Variants in MCM9 observed in about 807,000 individuals in gnomAD.
MCM9 encodes the protein minichromosome maintenance 9 homologous recombination repair factor.
MCM9 carries 55 observed loss-of-function variants against 72.8 expected under a neutral mutation model. The observed-to-expected ratio is 0.76, with a 90% CI of 0.61 to 0.95. The LOEUF (loss-of-function observed/expected upper bound fraction) is 0.95. MCM9 is among the 40% of genes least tolerant of loss of function. The pLI, the probability that MCM9 is intolerant of heterozygous loss-of-function variation, is 0.00. For synonymous variants in MCM9, 480 were observed against 503.4 expected (o/e 0.95, Z 0.62); for missense variants, 1,279 against 1,377.0 (o/e 0.93, Z 1.13).
chr6:118,840,780 C>T (rs1299615175), intron 9 of MCM9, among the ~76,000 whole-genome samples: 1 of 134,344 alleles, frequency 7.4e-6, no homozygotes, highest in Non-Finnish European at 1.6e-5. Flanking sequence ...CTCTGTCACC[C>T]AGGCTGGAGT....
chr6:118,824,035 C>CT lies in MCM9; in HGVS notation c.1961+2111dup, dbSNP rs137881254. 1.1e-3 allele frequency among the ~76,000 whole-genome samples: 62 copies of CT among 54,342 alleles called. 1 individual carries two copies. The highest frequency in any genetic ancestry group is 4.1e-3 in the African/African-American group (54 of 13,120). The allele number at this position is 54,342 out of a possible 152,430, so 35.7% of individuals were successfully genotyped here. ...TGAAAATATCAATAAGCAAACCCACCTTTTTTTTTTTTTTTTTTTTTTTTT... is the reference window on the plus strand; with the variant it reads ...TGAAAATATCAATAAGCAAACCCACCTTTTTTTTTTTTTTTTTTTTTTTTTT... On this transcript the variant is annotated intron_variant, in intron 13 of 13. Transcript: ENST00000619706.
At chr6:118,845,641 A>G (rs1775810658) in intron 9 of MCM9, among the ~76,000 whole-genome samples, 1 of 151,852 alleles carries the variant, frequency 6.6e-6, no homozygotes, top group Non-Finnish European at 1.5e-5. Context: ...ATGTTTTGTA[A>G]TAAAATATAA....
intron 5 of MCM9, chr6:118,919,237 A>C (rs1374719191): frequency 2.6e-5 from 4 of 152,234 alleles, no homozygotes; most frequent in Non-Finnish European, 4.4e-5. Flanking sequence ...ATAAGCAGTG[A>C]TTATGTGGAA....
chr6:118,911,480 A>G, intron 8 of MCM9, 170 bp downstream of exon 8: 1 of 1,319,756 alleles, frequency 7.6e-7, no homozygotes, highest in Admixed American at 3.6e-5. Flanking sequence ...AGCTTGCAAG[A>G]TATTTTCTTA....
intron 9 of MCM9, among the ~76,000 whole-genome samples, chr6:118,838,317 C>T (rs566197284): frequency 3.5e-4 from 54 of 152,178 alleles, no homozygotes; most frequent in African/African-American, 1.2e-3. Context: ...CACCCGCCAC[C>T]ACGCCTGGCT....
At chr6:118,888,657 G>A (rs879126177) in intron 8 of MCM9, among the ~76,000 whole-genome samples, 1 of 152,058 alleles carries the variant, frequency 6.6e-6, no homozygotes. Flanking sequence ...TTGTGTAATA[G>A]CCAAAAAGTA....
intron 8 of MCM9, among the ~76,000 whole-genome samples, chr6:118,902,779 T>G (rs1459473073): frequency 6.6e-6 from 1 of 152,214 alleles, no homozygotes; most frequent in Non-Finnish European, 1.5e-5. Context: ...CCTAAAGGTT[T>G]TACAGAATTC....
chr6:118,903,421 A>G (rs1779939918), intron 8 of MCM9, among the ~76,000 whole-genome samples: 1 of 152,138 alleles, frequency 6.6e-6, no homozygotes, highest in African/African-American at 2.4e-5. Context: ...CCAAAATACT[A>G]AGTGCTCAGA....
At chr6:118,913,634 CTG>C (rs931169380) in intron 6 of MCM9, among the ~76,000 whole-genome samples, 3 of 152,196 alleles carry the variant, frequency 2.0e-5, no homozygotes, top group African/African-American at 7.2e-5. Flanking sequence ...GGGTCTCACT[CTG>C]TCACCTAGGC....
chr6:118,923,112 C>G (rs1377605684), intron 4 of MCM9, among the ~76,000 whole-genome samples: 1 of 151,442 alleles, frequency 6.6e-6, no homozygotes, highest in African/African-American at 2.4e-5. Flanking sequence ...AGTGAACTAG[C>G]CTTGAACTGC....
chr6:118,872,959 G>A (rs147532742), intron 8 of MCM9, among the ~76,000 whole-genome samples: 1,576 of 151,894 alleles, frequency 0.01, 29 homozygotes, highest in African/African-American at 0.036. Context: ...TCTTGAGCTC[G>A]GAAGTTAGAG....
At chr6:118,829,019 T>C in intron 10 of MCM9, 29 bp downstream of exon 10, 2 of 1,543,464 alleles carry the variant, frequency 1.3e-6, no homozygotes, top group Non-Finnish European at 1.8e-6. Flanking sequence ...CTCTCTGTTA[T>C]TTTGAATGCT....
At position 118,815,454 on chromosome 6, in the gene MCM9, G is replaced by A. The variant is rs1256199897; in HGVS notation, c.2802C>T (p.Ser934=). The A allele has an allele frequency of 6.5e-7, 1 of 1,550,184 alleles. No homozygotes were observed. The highest frequency in any genetic ancestry group is 8.7e-7 in the Non-Finnish European group (1 of 1,146,866). Residue 934 remains serine, a synonymous_variant, in exon 14 of 14, where the codon TCC becomes TCT. Transcript: ENST00000619706. ...GTGACACATGGCTGTGATCTTCAAA[G>A]GAGTGGATCAGTTTTGACTTCTGCT... is the stretch of plus-strand genomic sequence containing the variant. ...TFKQKSKLIH[S]FEDHSHVSPG...
chr6:118,923,029 C>CAAAAAAAAAAAAAA (rs780562520), intron 4 of MCM9, among the ~76,000 whole-genome samples: 48 of 43,404 alleles, frequency 1.1e-3, no homozygotes, highest in Non-Finnish European at 1.6e-3. Flanking sequence ...AACTCCATCT[C>CAAAAAAAAAAAAAA]AAAAAAAAAA....
chr6:118,931,699 C>G lies in MCM9; in HGVS notation c.25G>C (p.Val9Leu), dbSNP rs894975815. 1 of 1,613,036 alleles carries G rather than the reference C, an allele frequency of 6.2e-7. No homozygotes were observed. The highest frequency in any genetic ancestry group is 8.5e-7 in the Non-Finnish European group (1 of 1,179,540). The change falls in exon 3 of 14, where the codon GTT becomes CTT. Residue 9 changes from valine (V) to leucine (L), a missense_variant. Physicochemically the swap from Val to Leu is conservative, Grantham distance 32. Coordinates refer to ENST00000619706, the MANE Select transcript of MCM9 (RefSeq NM_017696.3). Reference sequence around the variant, plus strand: ...ACATATGACTCAAACACTTGACCAACCAGTGTAACTTGATCGCTATTCATC... The same window carrying G: ...ACATATGACTCAAACACTTGACCAAGCAGTGTAACTTGATCGCTATTCATC... MNSDQVTL[V>L]GQVFESYVSE...
At chr6:118,833,145 A>T (rs1774701518) in intron 9 of MCM9, among the ~76,000 whole-genome samples, 1 of 152,148 alleles carries the variant, frequency 6.6e-6, no homozygotes, top group Non-Finnish European at 1.5e-5. Context: ...TCATTGTCGG[A>T]GCAGAGCACA....
intron 1 of MCM9, chr6:118,934,458 C>T (rs1450952310): frequency 4.6e-5 from 7 of 152,030 alleles, no homozygotes; most frequent in Non-Finnish European, 8.8e-5. Context: ...CTGGCATCCC[C>T]CAGCTGTCTC....
intron 8 of MCM9, among the ~76,000 whole-genome samples, chr6:118,878,333 A>G (rs1778072756): frequency 6.6e-6 from 1 of 152,226 alleles, no homozygotes; most frequent in African/African-American, 2.4e-5. Context: ...ATACTACAGG[A>G]GTCTTTCAGG....
chr6:118,836,455 G>A (rs1774966615), intron 9 of MCM9, among the ~76,000 whole-genome samples: 1 of 152,140 alleles, frequency 6.6e-6, no homozygotes, highest in Non-Finnish European at 1.5e-5. Context: ...GTAGAATCTG[G>A]CTGTGAATCC....
Sources: allele counts gnomAD v4.1 joint callset (sites outside exome capture counted in the v4.1 genomes callset), GRCh38; gene constraint gnomAD v4.1.1; transcripts MANE v1.5; gene names NCBI Gene and HGNC (gene_info 2026-07-23, HGNC 2026-07-21).